NF1: variants seen among roughly 807,000 people sequenced by gnomAD.
NF1 encodes neurofibromin 1, also known as neurofibromin.
NF1 carries 122 observed loss-of-function variants against 325.7 expected under a neutral mutation model. The observed-to-expected ratio is 0.37, with a 90% CI of 0.32 to 0.44. The LOEUF is 0.44. Ranked by LOEUF, NF1 falls within the 20% of genes least tolerant of loss-of-function variation. The pLI is 1.00. For missense variants in NF1, 2,140 were observed against 3,415.4 expected, an observed-to-expected ratio of 0.63 and a Z score of 9.31; for synonymous variants, 1,091 against 1,186.0, an observed-to-expected ratio of 0.92 and a Z score of 1.65.
At chr17:31,230,632 C>T (rs2067097336) in intron 23 of NF1, among the ~76,000 whole-genome samples, 1 of 152,162 alleles carries the variant, frequency 6.6e-6, no homozygotes, top group Admixed American at 6.6e-5. Flanking sequence ...GATACCATAA[C>T]TAAGGGCCAT....
chr17:31,143,891 G>T (rs369040769), intron 1 of NF1, among the ~76,000 whole-genome samples: 2 of 151,902 alleles, frequency 1.3e-5, no homozygotes, highest in South Asian at 4.2e-4. Flanking sequence ...GCGCAGTCTC[G>T]GCTCACTGCA....
rs142898271 is a variant in NF1 at position 31,295,623 on chromosome 17, A to G, written c.4836-30197A>G. ...GTTTCCATCATCCACTTCAGTAAGT[A>G]AGTAATGTTTTGTTTGTGGTCACAT... On this transcript the variant is annotated intron_variant, in intron 36 of 57. Transcript: ENST00000358273. The G allele has an allele frequency of 1.5e-5, 25 of 1,614,044 alleles. No homozygotes were observed. In the African/African-American group the frequency reaches 2.8e-4, roughly 18 times the overall value.
At chr17:31,320,389 G>T in intron 36 of NF1, 1 of 1,607,286 alleles carries the variant, frequency 6.2e-7, no homozygotes. Flanking sequence ...AGTATAGGTA[G>T]GGCCTGAAAG....
intron 1 of NF1, among the ~76,000 whole-genome samples, chr17:31,124,307 C>T (rs1419466190): frequency 6.6e-6 from 1 of 151,930 alleles, no homozygotes; most frequent in Non-Finnish European, 1.5e-5. Flanking sequence ...CCAAGGAATC[C>T]TCTTACCTTG....
chr17:31,221,259 G>A (rs1050765804), intron 14 of NF1, among the ~76,000 whole-genome samples: 4 of 151,802 alleles, frequency 2.6e-5, no homozygotes, highest in Non-Finnish European at 4.4e-5. Context: ...TTTAATTCCC[G>A]TTAGTGTTCT....
intron 1 of NF1, among the ~76,000 whole-genome samples, chr17:31,153,563 C>T (rs555695982): frequency 2.0e-5 from 3 of 152,326 alleles, no homozygotes; most frequent in South Asian, 2.1e-4. Flanking sequence ...TTGTCAGATC[C>T]ATTAGACATT....
intron 1 of NF1, among the ~76,000 whole-genome samples, chr17:31,106,236 G>T (rs541219012): frequency 6.6e-6 from 1 of 152,324 alleles, no homozygotes; most frequent in East Asian, 1.9e-4. Context: ...ATATTTTCAT[G>T]TGTAAAATGG....
intron 1 of NF1, among the ~76,000 whole-genome samples, chr17:31,143,804 TTTTTC>T (rs928762577): frequency 1.3e-5 from 2 of 151,890 alleles, no homozygotes; most frequent in East Asian, 1.9e-4. Flanking sequence ...CTTGTTCTTG[TTTTTC>T]TTTTCTTTTC....
chr17:31,212,683 C>T (rs1162487338), intron 12 of NF1, among the ~76,000 whole-genome samples: 4 of 152,182 alleles, frequency 2.6e-5, no homozygotes, highest in African/African-American at 9.7e-5. Flanking sequence ...GCACTCCAGC[C>T]TGGGCAACAA....
chr17:31,114,782 A>T (rs1434226857), intron 1 of NF1, among the ~76,000 whole-genome samples: 1 of 151,984 alleles, frequency 6.6e-6, no homozygotes, highest in Admixed American at 6.6e-5. Context: ...TGAACCCGGG[A>T]GGTGGAAGTT....
intron 36 of NF1, among the ~76,000 whole-genome samples, chr17:31,298,404 A>G (rs991506016): frequency 6.6e-6 from 1 of 152,100 alleles, no homozygotes; most frequent in Non-Finnish European, 1.5e-5. Flanking sequence ...TTAGCATGTT[A>G]TGTGTAAGGA....
intron 1 of NF1, among the ~76,000 whole-genome samples, chr17:31,119,807 C>G (rs1914275289): frequency 1.3e-5 from 2 of 152,064 alleles, no homozygotes; most frequent in Non-Finnish European, 2.9e-5. Flanking sequence ...CAAAAGGGCC[C>G]AGTTTCAGTT....
chr17:31,239,526 C>T (rs2067257854), intron 29 of NF1, among the ~76,000 whole-genome samples: 1 of 132,390 alleles, frequency 7.6e-6, no homozygotes, highest in Non-Finnish European at 1.5e-5. Flanking sequence ...GAAAACTAGA[C>T]AAAGAGCAAT....
chr17:31,110,771 T>C (rs1913329726), intron 1 of NF1, among the ~76,000 whole-genome samples: 2 of 151,992 alleles, frequency 1.3e-5, no homozygotes, highest in East Asian at 1.9e-4. Context: ...AGAAACCAAA[T>C]GAACATTCTA....
At chr17:31,260,121 A>G (rs1340716359) in intron 33 of NF1, among the ~76,000 whole-genome samples, 1 of 152,104 alleles carries the variant, frequency 6.6e-6, no homozygotes, top group Non-Finnish European at 1.5e-5. Flanking sequence ...CCAAAGTTTC[A>G]TCCATCTTAA....
At chr17:31,360,997 T>C in intron 57 of NF1, 1 of 418,456 alleles carries the variant, frequency 2.4e-6, no homozygotes, top group South Asian at 2.3e-5. Flanking sequence ...ATTCTGTAAG[T>C]GAACAGAACT....
At chr17:31,138,237 A>G (rs534365463) in intron 1 of NF1, 2 of 150,826 alleles carry the variant, frequency 1.3e-5, no homozygotes, top group East Asian at 1.9e-4. Context: ...TCTTGACTTT[A>G]TCTTCCAACT....
chr17:31,190,270 A>C (rs933326462), intron 8 of NF1, among the ~76,000 whole-genome samples: 3 of 152,040 alleles, frequency 2.0e-5, no homozygotes, highest in African/African-American at 7.2e-5. Context: ...AAACAAAAAA[A>C]CAAAAAAAAT....
At chr17:31,124,513 T>C (rs986220066) in intron 1 of NF1, among the ~76,000 whole-genome samples, 2 of 151,282 alleles carry the variant, frequency 1.3e-5, no homozygotes, top group African/African-American at 4.9e-5. Flanking sequence ...TAATTTGTTT[T>C]CAGGGTTTTT....
Sources: allele counts gnomAD v4.1 joint callset (sites outside exome capture counted in the v4.1 genomes callset), GRCh38; gene constraint gnomAD v4.1.1; transcripts MANE v1.5; gene names NCBI Gene and HGNC (gene_info 2026-07-23, HGNC 2026-07-21).